Variants in CMIP observed in about 807,000 individuals in gnomAD.
The protein encoded by CMIP is C-Maf-inducing protein.
A neutral mutation model predicts 97.3 loss-of-function variants in CMIP; 13 were observed. The ratio of observed to expected loss-of-function variants is 0.13; its 90% CI spans 0.09 to 0.21. CMIP has a LOEUF of 0.21. Among genes scored for constraint, CMIP ranks in the 10% least tolerant of loss-of-function variants. The probability of loss-of-function intolerance (pLI) is 1.00; values close to 1 mark genes in which losing one functional copy is unlikely to be tolerated. For synonymous variants in CMIP, 538 were observed against 436.3 expected (o/e 1.23, Z -2.91); for missense variants, 847 against 1,024.9 (o/e 0.83, Z 2.37).
At chr16:81,447,122 C>G (rs770520839) in intron 1 of CMIP, among the ~76,000 whole-genome samples, 1 of 152,094 alleles carries the variant, frequency 6.6e-6, no homozygotes, top group Admixed American at 6.6e-5. Flanking sequence ...TTTGCCAGTA[C>G]GGAGTGTTTC....
chr16:81,615,483 GGT>G (rs926410085), intron 2 of CMIP, among the ~76,000 whole-genome samples: 173 of 141,924 alleles, frequency 1.2e-3, no homozygotes, highest in African/African-American at 3.3e-3. Context: ...TTGTGTGTGT[GGT>G]GTGTGTGTGT....
At chr16:81,450,162 A>G (rs1597441466) in intron 1 of CMIP, among the ~76,000 whole-genome samples, 1 of 152,146 alleles carries the variant, frequency 6.6e-6, no homozygotes, top group African/African-American at 2.4e-5. Context: ...GTCCCAGGGT[A>G]CCTCAACTGC....
chr16:81,613,378 T>G (rs1476775286), intron 2 of CMIP, among the ~76,000 whole-genome samples: 2 of 152,170 alleles, frequency 1.3e-5, no homozygotes, highest in Non-Finnish European at 2.9e-5. Context: ...GGGAAGACTG[T>G]GGGGTCAGAC....
intron 1 of CMIP, among the ~76,000 whole-genome samples, chr16:81,550,944 T>A (rs1362282177): frequency 7.1e-6 from 1 of 140,058 alleles, no homozygotes; most frequent in Non-Finnish European, 1.5e-5. Flanking sequence ...CCCAGTTCCG[T>A]CACACACACC....
rs530627387 is a variant in CMIP at position 81,704,882 on chromosome 16, A to C, written c.2092-617A>C. On this transcript the variant is annotated intron_variant, in intron 18 of 20. Coordinates refer to ENST00000537098, the MANE Select transcript of CMIP (RefSeq NM_198390.3). ...TTTCCCATTTGGAAATAATGTGCCC[A>C]GTTCCGAGTCCTGAGGTTCTGAGAG... 2.8e-3 allele frequency among the ~76,000 whole-genome samples: 427 copies of C among 151,664 alleles called. 1 individual carries two copies. Among genetic ancestry groups the C allele is most frequent in the South Asian group, 5.0e-3 (24 of 4,794 alleles).
At chr16:81,459,273 A>G (rs1043671848) in intron 1 of CMIP, among the ~76,000 whole-genome samples, 6 of 152,242 alleles carry the variant, frequency 3.9e-5, no homozygotes, top group Non-Finnish European at 7.3e-5. Context: ...GGGACAGGAA[A>G]GTCTCACAGT....
At chr16:81,569,515 G>A (rs1441032700) in intron 1 of CMIP, among the ~76,000 whole-genome samples, 1 of 152,236 alleles carries the variant, frequency 6.6e-6, no homozygotes, top group Non-Finnish European at 1.5e-5. Context: ...TTACCTTCCA[G>A]CTGCCGAGAC....
intron 3 of CMIP, among the ~76,000 whole-genome samples, chr16:81,644,414 C>T (rs1475426919): frequency 1.3e-5 from 2 of 152,120 alleles, no homozygotes; most frequent in East Asian, 3.8e-4. Flanking sequence ...GGGGAGTGCA[C>T]CAGCAGGGAG....
Position 81,553,836 on chromosome 16 carries a change from T to G in CMIP, c.301-53731T>G, listed in dbSNP as rs150805688. ...TAATTAGCAAAGATAGACAAATTGC[T>G]GGTGGAGGGACCACCTTCAGCTTTG... On this transcript the variant is annotated intron_variant, in intron 1 of 20. Coordinates refer to ENST00000537098, the MANE Select transcript of CMIP (RefSeq NM_198390.3). Among the ~76,000 whole-genome samples, 472 of 152,360 alleles carry G rather than the reference T, an allele frequency of 3.1e-3. 3 individuals are homozygous for G. The highest frequency in any genetic ancestry group is 0.01 in the African/African-American group (420 of 41,584).
intron 1 of CMIP, among the ~76,000 whole-genome samples, chr16:81,502,865 A>G (rs2089638262): frequency 1.3e-5 from 2 of 152,372 alleles, no homozygotes; most frequent in South Asian, 4.1e-4. Flanking sequence ...GCCTCAGGGC[A>G]GAGCCAGTCC....
chr16:81,485,283 G>T (rs1409745782), intron 1 of CMIP, among the ~76,000 whole-genome samples: 1 of 152,220 alleles, frequency 6.6e-6, no homozygotes, highest in Non-Finnish European at 1.5e-5. Flanking sequence ...TATCTGTCAA[G>T]AAATACTGCG....
At chr16:81,708,429 G>T (rs1908394378) in intron 20 of CMIP, among the ~76,000 whole-genome samples, 1 of 109,642 alleles carries the variant, frequency 9.1e-6, no homozygotes, top group South Asian at 2.6e-4. Context: ...AGTGCTGAAA[G>T]TCAGATGCTA....
chr16:81,551,929 C>T (rs190225643), intron 1 of CMIP, among the ~76,000 whole-genome samples: 28 of 152,350 alleles, frequency 1.8e-4, no homozygotes, highest in African/African-American at 6.3e-4. Context: ...CAACTTTGTT[C>T]TTGCTCAGTC....
At chr16:81,586,750 A>T (rs2091390023) in intron 1 of CMIP, among the ~76,000 whole-genome samples, 1 of 152,144 alleles carries the variant, frequency 6.6e-6, no homozygotes, top group Non-Finnish European at 1.5e-5. Context: ...GCACACATAC[A>T]CATGGAATTC....
intron 1 of CMIP, among the ~76,000 whole-genome samples, chr16:81,514,633 C>G (rs1213340298): frequency 1.3e-5 from 2 of 152,148 alleles, no homozygotes; most frequent in Non-Finnish European, 2.9e-5. Flanking sequence ...CGGTCAATCG[C>G]GGTGGCTCTG....
At chr16:81,471,580 C>T (rs1026022412) in intron 1 of CMIP, among the ~76,000 whole-genome samples, 3 of 149,358 alleles carry the variant, frequency 2.0e-5, no homozygotes, top group Non-Finnish European at 1.5e-5. Context: ...TACACAAATA[C>T]ACACACACAC....
At chr16:81,470,397 C>G (rs1907451532) in intron 1 of CMIP, among the ~76,000 whole-genome samples, 1 of 152,216 alleles carries the variant, frequency 6.6e-6, no homozygotes, top group Non-Finnish European at 1.5e-5. Flanking sequence ...CTTTTCATGT[C>G]CTGGGAGTAG....
intron 1 of CMIP, among the ~76,000 whole-genome samples, chr16:81,581,745 A>G (rs60525419): frequency 0.079 from 12,030 of 152,248 alleles, 1,058 homozygotes; most frequent in African/African-American, 0.22. Context: ...GGCACAGGGC[A>G]AGGGAACCAC....
chr16:81,520,532 C>T (rs1340424638), intron 1 of CMIP: 2 of 138,340 alleles, frequency 1.4e-5, no homozygotes, highest in Non-Finnish European at 3.0e-5. Context: ...GAGACCCCAT[C>T]TCTCAGAGAG....
Sources: gnomAD v4.1 joint callset for allele counts (sites outside exome capture counted in the v4.1 genomes callset) on GRCh38, gnomAD v4.1.1 for gene constraint, MANE v1.5 for transcripts, NCBI Gene and HGNC (gene_info 2026-07-23, HGNC 2026-07-21) for gene names.